TNRC18: variants seen among roughly 807,000 people sequenced by gnomAD.
TNRC18 encodes the protein trinucleotide repeat-containing gene 18 protein.
A neutral mutation model predicts 226.7 loss-of-function variants in TNRC18; 69 were observed. The observed-to-expected ratio is 0.30, with a 90% CI of 0.25 to 0.37. The LOEUF (loss-of-function observed/expected upper bound fraction) is 0.37. Among genes scored for constraint, TNRC18 ranks in the 10% least tolerant of loss-of-function variants. The pLI is 1.00. For missense variants in TNRC18, 4,754 were observed against 4,256.6 expected (o/e 1.12, Z -3.25); for synonymous variants, 2,449 against 1,927.6 (o/e 1.27, Z -7.09).
chr7:5,350,974 T>G (rs1791741481), intron 17 of TNRC18, among the ~76,000 whole-genome samples: 1 of 152,138 alleles, frequency 6.6e-6, no homozygotes. Context: ...AGACAAGTGT[T>G]TGTAAATAAT....
intron 19 of TNRC18, among the ~76,000 whole-genome samples, chr7:5,326,960 T>C (rs1397843184): frequency 6.6e-6 from 1 of 151,222 alleles, no homozygotes; most frequent in Non-Finnish European, 1.5e-5. Flanking sequence ...CCATCTCTAC[T>C]AAAAATATAA....
chr7:5,321,355 C>T (rs576081146), intron 21 of TNRC18, among the ~76,000 whole-genome samples, 165 bp from the exon 22 acceptor site: 7 of 152,294 alleles, frequency 4.6e-5, no homozygotes, highest in South Asian at 2.1e-4. Flanking sequence ...TGTGTGTACC[C>T]GTGCAGACCT....
rs1159671863 is a variant in TNRC18, at chr7:5,377,011, G to A, written c.2462-18C>T. The A allele has an allele frequency of 3.2e-6, 5 of 1,564,920 alleles. No homozygotes were observed. Among genetic ancestry groups the A allele is most frequent in the Non-Finnish European group, 4.3e-6 (5 of 1,155,764 alleles). The stretch of plus-strand genomic sequence containing the variant: ...ACCCAAGCCTAGGAGGAGAAGCCCA[G>A]GCCTGAGTCAGTGCTGGGAGCCCCC... On this transcript the variant is annotated intron_variant, in intron 7 of 29. Transcript: ENST00000430969. The surrounding 1 kb of genome is among the most constrained non-coding windows in gnomAD (Gnocchi z 5.8).
chr7:5,388,282 C>T lies in TNRC18; in HGVS notation c.1542G>A (p.Glu514=), dbSNP rs1584025699. The part of the protein sequence containing the change: ...TGPEHKWKPF[E]LGNFAATQMA... ...TCTGCGTGGCGGCGAAGTTGCCCAG[C>T]TCGAAGGGTTTCCATTTATGCTCAG... The change falls in exon 5 of 30, where the codon GAG becomes GAA. Residue 514 remains glutamate, a synonymous_variant. Coordinates refer to ENST00000430969, the MANE Select transcript of TNRC18 (RefSeq NM_001080495.3). 6.2e-7 allele frequency: 1 copy of T among 1,609,060 alleles called. No individual in the cohort carries two copies. The highest frequency in any genetic ancestry group is 2.2e-5 in the East Asian group (1 of 44,710).
rs1349709214 is a variant in TNRC18 at position 5,309,688 on chromosome 7, G to C, written c.8389-320C>G. Among the ~76,000 whole-genome samples the C allele has an allele frequency of 6.6e-6, 1 of 152,058 alleles. No homozygotes were observed. The highest frequency in any genetic ancestry group is 6.6e-5 in the Admixed American group (1 of 15,258). ...CGCCATCATGACTCACTGCAGCCACGAACTCCTAGACTCAAGAAATCCTCT... is the reference window on the plus strand; with the variant it reads ...CGCCATCATGACTCACTGCAGCCACCAACTCCTAGACTCAAGAAATCCTCT... On this transcript the variant is annotated intron_variant, in intron 27 of 29. Transcript: ENST00000430969. This position sits in a 1 kb window ranked among gnomAD's most constrained non-coding sequence, Gnocchi z 5.7.
intron 21 of TNRC18, among the ~76,000 whole-genome samples, chr7:5,322,891 G>A (rs1462693069): frequency 6.6e-6 from 1 of 152,208 alleles, no homozygotes; most frequent in African/African-American, 2.4e-5. Flanking sequence ...CCTGACGTTG[G>A]GCTTGGCCAT....
rs112546918 is a variant in TNRC18 at position 5,380,570 on chromosome 7, C to T, written c.2153-2546G>A. ...GGAGGGACAGCCGGGCAGCCCGGCACGGGGAGAAGCGTGTTGACGAGGGCG... is the reference window on the plus strand; with the variant it reads ...GGAGGGACAGCCGGGCAGCCCGGCATGGGGAGAAGCGTGTTGACGAGGGCG... On this transcript the variant is annotated intron_variant, in intron 5 of 29. Transcript: ENST00000430969. Among the ~76,000 whole-genome samples the T allele has an allele frequency of 8.3e-4, 127 of 152,286 alleles. 3 individuals are homozygous for T. Among genetic ancestry groups the T allele is most frequent in the African/African-American group, 2.9e-3 (119 of 41,560 alleles).
rs746487943 is a variant in TNRC18 at position 5,312,010 on chromosome 7, C to T, written c.8388+493G>A. Among the ~76,000 whole-genome samples the T allele has an allele frequency of 6.6e-6, 1 of 151,930 alleles. No individual in the cohort carries two copies. The highest frequency in any genetic ancestry group is 1.5e-5 in the Non-Finnish European group (1 of 67,996). On this transcript the variant is annotated intron_variant, in intron 27 of 29. Coordinates refer to ENST00000430969, the MANE Select transcript of TNRC18 (RefSeq NM_001080495.3). The surrounding 1 kb of genome is among the most constrained non-coding windows in gnomAD (Gnocchi z 6.3). The stretch of plus-strand genomic sequence containing the variant: ...AATTAGCCAGGCGTGGTGGCGTGCG[C>T]CTGTAATCCCAGCTACTTGGGAGGC...
intron 2 of TNRC18, among the ~76,000 whole-genome samples, chr7:5,417,416 G>A (rs1418254713): frequency 6.6e-6 from 1 of 152,006 alleles, no homozygotes; most frequent in Non-Finnish European, 1.5e-5. Context: ...GTTGCAATGA[G>A]CTGAGATCAC....
At chr7:5,361,238 C>G (rs1253539637) in intron 14 of TNRC18, among the ~76,000 whole-genome samples, 1 of 152,204 alleles carries the variant, frequency 6.6e-6, no homozygotes, top group Non-Finnish European at 1.5e-5. Context: ...ATAGCCCGTC[C>G]CAACAAGCAA....
At chr7:5,391,246 C>A (rs1199828481) in intron 3 of TNRC18, among the ~76,000 whole-genome samples, 1 of 152,066 alleles carries the variant, frequency 6.6e-6, no homozygotes, top group East Asian at 1.9e-4. Flanking sequence ...CTCCCCGCCT[C>A]CCCAAAGGCC....
At chr7:5,376,260 C>T in intron 8 of TNRC18, 36 bp from the exon 9 acceptor site, 1 of 1,418,804 alleles carries the variant, frequency 7.0e-7, no homozygotes, top group Non-Finnish European at 9.2e-7. Context: ...CACCTGCGGC[C>T]TGATGCTCCA....
intron 16 of TNRC18, among the ~76,000 whole-genome samples, chr7:5,353,731 C>T (rs1226683935): frequency 1.3e-5 from 2 of 152,112 alleles, no homozygotes; most frequent in Non-Finnish European, 2.9e-5. Flanking sequence ...CCCAGAATTG[C>T]AGAAAAGCAG....
intron 27 of TNRC18, among the ~76,000 whole-genome samples, chr7:5,311,036 G>A (rs537884490): frequency 6.6e-6 from 1 of 152,370 alleles, no homozygotes; most frequent in African/African-American, 2.4e-5. Context: ...ACGTGTGCAA[G>A]TGTGCATTTG....
In TNRC18 at chr7:5,332,719, G is replaced by GTGC; in HGVS notation, c.6047_6049dup (p.Ser2016dup). ...GCGGCTGGTCTTGGTGGCGGGCGCG[G>GTGC]TGCTGACGGGCGCAGGTGCAGCAGC... On this transcript the variant is annotated inframe_insertion, in exon 19 of 30. Transcript: ENST00000430969. 6.5e-7 allele frequency: 1 copy of GTGC among 1,526,956 alleles called. No homozygotes were observed. The highest frequency in any genetic ancestry group is 1.4e-5 in the African/African-American group (1 of 71,054). 94.6% of individuals were successfully genotyped at this position (1,526,956 alleles called of 1,614,324 possible). A position where few individuals can be genotyped will look rare whatever the true frequency, so the allele number is the denominator to read the frequency against.
intron 2 of TNRC18, among the ~76,000 whole-genome samples, chr7:5,398,956 C>T (rs766144196): frequency 1.3e-5 from 2 of 152,168 alleles, no homozygotes; most frequent in Non-Finnish European, 2.9e-5. Context: ...CCAGGGCCAA[C>T]GCAAAGAGAT....
rs754993709 is a variant in TNRC18, at chr7:5,357,191, T to C, written c.4919A>G (p.Asp1640Gly). The C allele has an allele frequency of 6.2e-7, 1 of 1,610,788 alleles. No homozygotes were observed. Among genetic ancestry groups the C allele is most frequent in the Non-Finnish European group, 8.5e-7 (1 of 1,178,666 alleles). ...LDKALSLTKQ[D>G]KLKSPFKFSD... ...AAACTTGAAGGGCGACTTCAACTTG[T>C]CCTGCTTGGTGAGGGAGAGGGCCTT... Residue 1640 changes from aspartate (D) to glycine (G), a missense_variant, in exon 16 of 30, where the codon GAC becomes GGC. Transcript: ENST00000430969.
intron 2 of TNRC18, among the ~76,000 whole-genome samples, chr7:5,405,421 T>C (rs755713840): frequency 3.3e-5 from 5 of 151,778 alleles, no homozygotes; most frequent in Non-Finnish European, 5.9e-5. Context: ...ATACAAAAAT[T>C]AGCCAAGTGT....
chr7:5,320,487 C>A (rs746251891), intron 23 of TNRC18, 45 bp downstream of exon 23: 2 of 1,567,938 alleles, frequency 1.3e-6, no homozygotes, highest in Non-Finnish European at 1.7e-6. Flanking sequence ...CCTTGGACAC[C>A]CAGCCCACCC....
Sources: allele counts gnomAD v4.1 joint callset (sites outside exome capture counted in the v4.1 genomes callset), GRCh38; gene constraint gnomAD v4.1.1; non-coding constraint Gnocchi (gnomAD v3.1); transcripts MANE v1.5; gene names NCBI Gene and HGNC (gene_info 2026-07-23, HGNC 2026-07-21).